The following MORC3 variants were observed in gnomAD, a reference collection of about 807,000 sequenced individuals.
MORC3 encodes MORC family CW-type zinc finger 3, also known as MORC family CW-type zinc finger protein 3.
Under a neutral mutation model 109.1 loss-of-function variants are expected in MORC3, and 31 were observed. The observed-to-expected ratio is 0.28, with a 90% confidence interval of 0.21 to 0.38. The LOEUF (loss-of-function observed/expected upper bound fraction) is 0.38. MORC3 is among the 10% of genes least tolerant of loss of function. The pLI is 1.00. For synonymous variants in MORC3, 395 were observed against 380.7 expected, an observed-to-expected ratio of 1.04 and a Z score of -0.44; for missense variants, 867 against 1,135.8, an observed-to-expected ratio of 0.76 and a Z score of 3.40.
intron 14 of MORC3, among the ~76,000 whole-genome samples, chr21:36,366,374 T>A (rs1373681688): frequency 6.6e-6 from 1 of 152,218 alleles, no homozygotes; most frequent in Non-Finnish European, 1.5e-5. Context: ...ATTTCTTTCT[T>A]TTTTATGGCT....
intron 6 of MORC3, among the ~76,000 whole-genome samples, chr21:36,343,969 T>G (rs1189397977): frequency 1.3e-5 from 2 of 152,168 alleles, no homozygotes; most frequent in East Asian, 3.8e-4. Flanking sequence ...TGAAAAAGTC[T>G]TATTCAAGTA....
intron 5 of MORC3, among the ~76,000 whole-genome samples, chr21:36,340,268 ACT>A (rs1168011193): frequency 1.4e-5 from 2 of 143,166 alleles, no homozygotes; most frequent in East Asian, 2.2e-4. Flanking sequence ...AAAGAGCGAG[ACT>A]CTGTCTCAAA....
chr21:36,370,037 G>A (rs1461728219), intron 15 of MORC3, among the ~76,000 whole-genome samples, 161 bp downstream of exon 15: 1 of 152,172 alleles, frequency 6.6e-6, no homozygotes, highest in East Asian at 1.9e-4. Flanking sequence ...TTCGAGACCA[G>A]CCTGGACAAA....
intron 1 of MORC3, among the ~76,000 whole-genome samples, chr21:36,330,211 G>T (rs1323416009): frequency 1.3e-5 from 2 of 151,854 alleles, no homozygotes; most frequent in Admixed American, 6.6e-5. Flanking sequence ...CCAGATCCAG[G>T]AGATAATCAA....
intron 10 of MORC3, among the ~76,000 whole-genome samples, chr21:36,359,747 G>A (rs1319612281): frequency 6.6e-6 from 1 of 151,748 alleles, no homozygotes; most frequent in Admixed American, 6.6e-5. Flanking sequence ...TAGAGACAGG[G>A]TTTCACCATG....
chr21:36,362,238 C>T lies in MORC3; in HGVS notation c.1452+10C>T. 6.3e-7 allele frequency: 1 copy of T among 1,583,984 alleles called. No individual in the cohort carries two copies. The highest frequency in any genetic ancestry group is 8.5e-7 in the Non-Finnish European group (1 of 1,169,700). ...GGAAATGATCCCTCGGGTAATTAAG[C>T]CTTCTTTTTTTTTTTTTTTTTTAAA... On this transcript the variant is annotated intron_variant, in intron 13 of 16. Coordinates refer to ENST00000400485, the MANE Select transcript of MORC3 (RefSeq NM_015358.3).
chr21:36,325,296 A>G (rs1006881567), intron 1 of MORC3, among the ~76,000 whole-genome samples: 3 of 152,214 alleles, frequency 2.0e-5, no homozygotes, highest in Non-Finnish European at 2.9e-5. Flanking sequence ...AACCAAATAG[A>G]ACTTTGAGAA....
chr21:36,351,408 C>T (rs1000697878), intron 9 of MORC3, among the ~76,000 whole-genome samples: 1 of 152,100 alleles, frequency 6.6e-6, no homozygotes. Context: ...CTTATTCCTT[C>T]TAATTAACTG....
rs764482858 is a variant in MORC3 at position 36,328,823 on chromosome 21, GGAAGAATTGTCTTGGGCCACATTGGAA to G, written c.40-4801_40-4775del. Among the ~76,000 whole-genome samples, 141 of 150,832 alleles carry G rather than the reference GGAAGAATTGTCTTGGGCCACATTGGAA, an allele frequency of 9.3e-4. 1 individual carries two copies. Among genetic ancestry groups the G allele is most frequent in the South Asian group, 1.9e-3 (9 of 4,776 alleles). ...TCTTTTAGCTTCCCTGGGCCACATTGGAAGAATTGTCTTGGGCCACATTGGAAGAAGAATTGTCTTGGGCCACACACA... is the reference window on the plus strand; with the variant it reads ...TCTTTTAGCTTCCCTGGGCCACATTGGAAGAATTGTCTTGGGCCACACACA... On this transcript the variant is annotated intron_variant, in intron 1 of 16. Coordinates refer to ENST00000400485, the MANE Select transcript of MORC3 (RefSeq NM_015358.3).
intron 14 of MORC3, among the ~76,000 whole-genome samples, chr21:36,365,359 C>T (rs1255285712): frequency 6.6e-6 from 1 of 152,176 alleles, no homozygotes; most frequent in African/African-American, 2.4e-5. Context: ...AATGTGATGT[C>T]TACAAACGAG....
At chr21:36,358,333 C>G (rs542790280) in intron 10 of MORC3, among the ~76,000 whole-genome samples, 1 of 151,690 alleles carries the variant, frequency 6.6e-6, no homozygotes, top group Non-Finnish European at 1.5e-5. Flanking sequence ...TGCAATGAAC[C>G]GAGATTGCAC....
chr21:36,344,866 G>T, intron 7 of MORC3, 46 bp from the exon 8 acceptor site: 1 of 1,606,570 alleles, frequency 6.2e-7, no homozygotes, highest in South Asian at 1.1e-5. Context: ...AGGATGATTT[G>T]AACTGAGTGA....
chr21:36,321,414 G>A (rs1210523037), intron 1 of MORC3, among the ~76,000 whole-genome samples: 1 of 151,802 alleles, frequency 6.6e-6, no homozygotes, highest in African/African-American at 2.4e-5. Context: ...TTTTCTTTTG[G>A]GAGGATCTTT....
At chr21:36,365,812 C>A (rs1052107341) in intron 14 of MORC3, among the ~76,000 whole-genome samples, 3 of 152,164 alleles carry the variant, frequency 2.0e-5, no homozygotes, top group African/African-American at 7.2e-5. Flanking sequence ...GAACTCCTGA[C>A]CTCAGGTGAT....
rs955940708 is a variant in MORC3, at chr21:36,336,922, A to G, written c.161A>G (p.Lys54Arg). ...AACGCTAAACAAATATGGATTGACA[A>G]AACAGTGATAAATGACCATATATGC... ...DVNAKQIWIDKTVINDHICLT... is the reference protein window; with the variant it reads ...DVNAKQIWIDRTVINDHICLT... The change falls in exon 3 of 17, where the codon AAA becomes AGA. Residue 54 changes from lysine to arginine, a missense_variant. By Grantham distance (26) the Lys-to-Arg change is conservative. Coordinates refer to ENST00000400485, the MANE Select transcript of MORC3 (RefSeq NM_015358.3). 3 of 1,613,476 alleles carry G rather than the reference A, an allele frequency of 1.9e-6. No individual in the cohort carries two copies. The highest frequency in any genetic ancestry group is 2.5e-6 in the Non-Finnish European group (3 of 1,179,620).
At chr21:36,345,417 T>C (rs1043339170) in intron 8 of MORC3, among the ~76,000 whole-genome samples, 1 of 150,998 alleles carries the variant, frequency 6.6e-6, no homozygotes, top group Admixed American at 6.6e-5. Context: ...CGCCTGGTTT[T>C]TTTTGTTTTT....
chr21:36,345,594 G>A (rs993338853), intron 8 of MORC3, among the ~76,000 whole-genome samples: 32 of 152,034 alleles, frequency 2.1e-4, no homozygotes, highest in African/African-American at 7.0e-4. Context: ...GCTAATTTTT[G>A]TATTTTTAGT....
chr21:36,345,589 T>C (rs960172634), intron 8 of MORC3, among the ~76,000 whole-genome samples: 20 of 151,642 alleles, frequency 1.3e-4, no homozygotes, highest in African/African-American at 3.9e-4. Flanking sequence ...GCCTGGCTAA[T>C]TTTTGTATTT....
chr21:36,327,166 T>C (rs926025178), intron 1 of MORC3, among the ~76,000 whole-genome samples: 27 of 137,460 alleles, frequency 2.0e-4, no homozygotes, highest in East Asian at 6.3e-4. Flanking sequence ...TTTTTTTTTT[T>C]TTTTTTTTTT....
Sources: allele counts gnomAD v4.1 joint callset (sites outside exome capture counted in the v4.1 genomes callset), GRCh38; gene constraint gnomAD v4.1.1; transcripts MANE v1.5; gene names NCBI Gene and HGNC (gene_info 2026-07-23, HGNC 2026-07-21).